The following NELL1 variants were observed in gnomAD, a reference collection of about 807,000 sequenced individuals.
NELL1 encodes the protein protein kinase C-binding protein NELL1.
A neutral mutation model predicts 107.4 loss-of-function variants in NELL1; 76 were observed. The observed-to-expected ratio is 0.71, with a 90% CI of 0.59 to 0.86. NELL1 has a LOEUF of 0.86. Among genes scored for constraint, NELL1 ranks in the 40% least tolerant of loss-of-function variants. The pLI is 0.00. For synonymous variants in NELL1, 353 were observed against 341.2 expected (o/e 1.03, Z -0.38); for missense variants, 1,024 against 1,005.5 (o/e 1.02, Z -0.25).
chr11:21,476,704 G>A (rs988978236), intron 15 of NELL1, among the ~76,000 whole-genome samples: 5 of 152,090 alleles, frequency 3.3e-5, no homozygotes, highest in Admixed American at 3.3e-4. Context: ...AAGAGTGTAG[G>A]AAAGACAGTC....
At chr11:21,237,093 T>C (rs534384156) in intron 14 of NELL1, among the ~76,000 whole-genome samples, 1 of 152,248 alleles carries the variant, frequency 6.6e-6, no homozygotes, top group Non-Finnish European at 1.5e-5. Context: ...CCTTCAGCTA[T>C]TAATGTATTT....
chr11:21,129,760 G>A (rs1028818009), intron 13 of NELL1, among the ~76,000 whole-genome samples: 2 of 152,110 alleles, frequency 1.3e-5, no homozygotes, highest in Admixed American at 6.6e-5. Flanking sequence ...TGGAGCAATG[G>A]GGGCATGGAA....
chr11:21,033,754 C>A (rs894616246), intron 12 of NELL1, among the ~76,000 whole-genome samples: 1 of 152,200 alleles, frequency 6.6e-6, no homozygotes, highest in South Asian at 2.1e-4. Flanking sequence ...TGGGTATATA[C>A]CCAGTAATAG....
intron 2 of NELL1, among the ~76,000 whole-genome samples, chr11:20,727,147 T>G (rs2133916927): frequency 6.6e-6 from 1 of 152,346 alleles, no homozygotes; most frequent in African/African-American, 2.4e-5. Context: ...GTACTTCTAG[T>G]TCTAGATCCT....
chr11:21,254,356 A>C (rs1320824817), intron 14 of NELL1, among the ~76,000 whole-genome samples: 2 of 152,156 alleles, frequency 1.3e-5, no homozygotes, highest in Non-Finnish European at 2.9e-5. Context: ...AAGAAATTAC[A>C]TTATGGAAAT....
rs1857347279 is a variant in NELL1 at position 21,204,557 on chromosome 11, T to C, written c.1427-24775T>C. Among the ~76,000 whole-genome samples the C allele has an allele frequency of 2.0e-5, 3 of 152,158 alleles. No homozygotes were observed. In the South Asian group the frequency reaches 6.2e-4, roughly 32 times the overall value. On this transcript the variant is annotated intron_variant, in intron 13 of 19. Coordinates refer to ENST00000357134, the MANE Select transcript of NELL1 (RefSeq NM_006157.5). ...AGCTTCCTTGCATTGGGGTAGAACA[T>C]GCTCCTTTAGCTCGGAGGAGTTTGT... is the stretch of plus-strand genomic sequence containing the variant.
At chr11:21,370,776 T>G in intron 14 of NELL1, 77 bp from the exon 15 acceptor site, 1 of 1,108,302 alleles carries the variant, frequency 9.0e-7, no homozygotes, top group Middle Eastern at 2.0e-4. Context: ...AAAGAATTGC[T>G]TCAGTGCTCC....
intron 13 of NELL1, among the ~76,000 whole-genome samples, chr11:21,183,544 C>T (rs7130084): frequency 0.24 from 36,954 of 151,536 alleles, 6,205 homozygotes; most frequent in African/African-American, 0.46. Context: ...ATCTACTCCC[C>T]CTCCCCTGGT....
chr11:20,836,094 C>T (rs556708251), intron 3 of NELL1, among the ~76,000 whole-genome samples: 38 of 151,898 alleles, frequency 2.5e-4, no homozygotes, highest in Admixed American at 1.3e-4. Context: ...GTAAACTCAA[C>T]AATAAGTAAA....
intron 15 of NELL1, among the ~76,000 whole-genome samples, chr11:21,372,168 A>G (rs557540050): frequency 1.3e-5 from 2 of 152,230 alleles, no homozygotes; most frequent in South Asian, 4.1e-4. Flanking sequence ...AGCGCAAGAG[A>G]ATTACCACAT....
chr11:21,289,940 A>G (rs1416942513), intron 14 of NELL1, among the ~76,000 whole-genome samples: 2 of 152,196 alleles, frequency 1.3e-5, no homozygotes, highest in African/African-American at 4.8e-5. Flanking sequence ...CTGCCTCTCT[A>G]GATTCCTCCT....
intron 14 of NELL1, among the ~76,000 whole-genome samples, chr11:21,242,027 C>T (rs1393932612): frequency 6.6e-6 from 1 of 151,266 alleles, no homozygotes; most frequent in African/African-American, 2.4e-5. Context: ...TTCACATTTC[C>T]TTGTCTGTGA....
intron 15 of NELL1, among the ~76,000 whole-genome samples, chr11:21,495,351 T>C (rs1164863188): frequency 6.6e-6 from 1 of 152,162 alleles, no homozygotes; most frequent in Non-Finnish European, 1.5e-5. Context: ...TTCCTTTTTA[T>C]GGCCGAATAA....
chr11:21,246,038 AAAG>A (rs1858482398), intron 14 of NELL1, among the ~76,000 whole-genome samples: 2 of 152,070 alleles, frequency 1.3e-5, no homozygotes, highest in African/African-American at 4.8e-5. Context: ...TTTTTGACTC[AAAG>A]AATGTTGAAA....
intron 15 of NELL1, among the ~76,000 whole-genome samples, chr11:21,409,958 T>C (rs910569415): frequency 6.6e-6 from 1 of 152,096 alleles, no homozygotes. Context: ...AAAATGAGTT[T>C]AAATTTTTTT....
chr11:20,987,898 CAGAGT>C (rs1365600510), intron 12 of NELL1, among the ~76,000 whole-genome samples: 1 of 152,110 alleles, frequency 6.6e-6, no homozygotes, highest in Non-Finnish European at 1.5e-5. Flanking sequence ...CTTCAGCTCG[CAGAGT>C]ATTTTGTGGA....
chr11:21,486,852 G>T (rs923460460), intron 15 of NELL1, among the ~76,000 whole-genome samples: 1 of 152,002 alleles, frequency 6.6e-6, no homozygotes, highest in South Asian at 2.1e-4. Flanking sequence ...TTTGATAATA[G>T]TCTAGATCAA....
intron 2 of NELL1, among the ~76,000 whole-genome samples, chr11:20,768,129 G>T (rs1319598349): frequency 6.6e-6 from 1 of 152,160 alleles, no homozygotes; most frequent in African/African-American, 2.4e-5. Flanking sequence ...TCATATGCTA[G>T]GTACTATTCT....
chr11:21,542,751 G>A (rs992352665), intron 16 of NELL1, among the ~76,000 whole-genome samples: 3 of 151,972 alleles, frequency 2.0e-5, no homozygotes, highest in South Asian at 2.1e-4. Context: ...TTTTTTAAAT[G>A]TACTTATTTA....
Sources: allele counts gnomAD v4.1 joint callset (sites outside exome capture counted in the v4.1 genomes callset), GRCh38; gene constraint gnomAD v4.1.1; transcripts MANE v1.5; gene names NCBI Gene and HGNC (gene_info 2026-07-23, HGNC 2026-07-21).